SIK3: variants seen among roughly 807,000 people sequenced by gnomAD.
SIK3 encodes the protein serine/threonine-protein kinase SIK3.
A neutral mutation model predicts 144.2 loss-of-function variants in SIK3; 28 were observed. That is an observed-to-expected ratio of 0.19 (90% confidence interval 0.14 to 0.27). SIK3 has a LOEUF of 0.27. Ranked by LOEUF, SIK3 falls within the 10% of genes least tolerant of loss-of-function variation. The pLI is 1.00. For synonymous variants in SIK3, 686 were observed against 676.3 expected (o/e 1.01, Z -0.22); for missense variants, 1,319 against 1,776.0 (o/e 0.74, Z 4.62).
intron 6 of SIK3, among the ~76,000 whole-genome samples, chr11:116,879,768 T>G (rs1944454852): frequency 6.6e-6 from 1 of 152,254 alleles, no homozygotes; most frequent in Non-Finnish European, 1.5e-5. Context: ...TCTCAAAGAC[T>G]TCTACATTCC....
intron 19 of SIK3, among the ~76,000 whole-genome samples, chr11:116,860,225 CAG>C (rs904352403): frequency 7.3e-5 from 11 of 150,298 alleles, no homozygotes; most frequent in Non-Finnish European, 1.2e-4. Flanking sequence ...GCCTGGGTGA[CAG>C]GGGGAGACTC....
intron 1 of SIK3, among the ~76,000 whole-genome samples, chr11:116,995,119 T>C (rs1365208143): frequency 2.0e-5 from 3 of 151,774 alleles, no homozygotes; most frequent in Non-Finnish European, 4.4e-5. Flanking sequence ...ATACAAAAAT[T>C]AGCTGGGCAT....
Position 116,973,223 on chromosome 11 carries a change from C to T in SIK3, c.274-16159G>A, listed in dbSNP as rs373352296. Among the ~76,000 whole-genome samples the T allele has an allele frequency of 3.9e-5, 6 of 152,308 alleles. No homozygotes were observed. The East Asian group carries it at 9.6e-4, about 24-fold the overall frequency. On this transcript the variant is annotated intron_variant, in intron 1 of 24. Transcript: ENST00000445177. ...AGTAAATGTGTGCTGCTTTAAGCTG[C>T]TAAATTTGTGGCAGGTTGCTACATA...
intron 1 of SIK3, among the ~76,000 whole-genome samples, chr11:116,991,221 G>C (rs1483327588): frequency 6.6e-6 from 1 of 152,172 alleles, no homozygotes; most frequent in Non-Finnish European, 1.5e-5. Context: ...GCCAAGGTGG[G>C]CGGATCCAAG....
At chr11:116,904,045 GTC>G (rs551020020) in intron 4 of SIK3, among the ~76,000 whole-genome samples, 5 of 152,068 alleles carry the variant, frequency 3.3e-5, no homozygotes, top group Non-Finnish European at 7.4e-5. Flanking sequence ...TCTTTTATAA[GTC>G]TCTAAGTAAG....
In SIK3 at chr11:117,022,931, C is replaced by T. The variant is rs188811305; in HGVS notation, c.274-65867G>A. Reference sequence around the variant, plus strand: ...CAGGTTTATTTTGTTCAGAAACAAACGCAAAGTGAATACATAACTGGATCT... The same window carrying T: ...CAGGTTTATTTTGTTCAGAAACAAATGCAAAGTGAATACATAACTGGATCT... On this transcript the variant is annotated intron_variant, in intron 1 of 24. Coordinates refer to ENST00000445177, the MANE Select transcript of SIK3 (RefSeq NM_001366686.3). 1.8e-4 allele frequency among the ~76,000 whole-genome samples: 28 copies of T among 151,844 alleles called. No homozygotes were observed. In the South Asian group the frequency reaches 2.7e-3, roughly 15 times the overall value.
chr11:117,058,792 T>A (rs1240551506), intron 1 of SIK3, among the ~76,000 whole-genome samples: 3 of 152,138 alleles, frequency 2.0e-5, no homozygotes, highest in Non-Finnish European at 4.4e-5. Context: ...AACCCATGGA[T>A]TAGCAAAAGA....
At position 117,006,614 on chromosome 11, in the gene SIK3, A is replaced by G. The variant is rs144516167; in HGVS notation, c.274-49550T>C. The stretch of plus-strand genomic sequence containing the variant: ...GGAGTTGCAAACCCAAACAAACAAC[A>G]CAGTGAGACCCTATCTCTGTGTTTA... On this transcript the variant is annotated intron_variant, in intron 1 of 24. Coordinates refer to ENST00000445177, the MANE Select transcript of SIK3 (RefSeq NM_001366686.3). Among the ~76,000 whole-genome samples, 1,511 of 152,060 alleles carry G rather than the reference A, an allele frequency of 9.9e-3. 26 individuals are homozygous for G. The highest frequency in any genetic ancestry group is 0.035 in the African/African-American group (1,468 of 41,454).
intron 1 of SIK3, among the ~76,000 whole-genome samples, chr11:116,960,792 A>G (rs1304158744): frequency 6.6e-6 from 1 of 152,194 alleles, no homozygotes; most frequent in Non-Finnish European, 1.5e-5. Flanking sequence ...CTGGCACAGT[A>G]AACAGGCAAT....
rs752104589 is a variant in SIK3 at position 116,859,453 on chromosome 11, G to T, written c.2577C>A (p.Val859=). 1 of 1,614,236 alleles carries T rather than the reference G, an allele frequency of 6.2e-7. No homozygotes were observed. Among genetic ancestry groups the T allele is most frequent in the Non-Finnish European group, 8.5e-7 (1 of 1,180,058 alleles). ...PAQSQQVTIQ[V]QEPVDMLSNM... is the part of the protein sequence containing the mutation. ...TGCTGAGCATGTCAACAGGCTCTTG[G>T]ACTTGGATGGTGACCTGCTGTGACT... is the stretch of plus-strand genomic sequence containing the variant. Residue 859 remains valine, a synonymous_variant, in exon 20 of 25, where the codon GTC becomes GTA. Transcript: ENST00000445177.
chr11:116,990,790 A>C (rs1202739068), intron 1 of SIK3, among the ~76,000 whole-genome samples: 2 of 152,164 alleles, frequency 1.3e-5, no homozygotes, highest in East Asian at 3.8e-4. Context: ...TTCCCTTGTC[A>C]CCTAAAAGCA....
Position 116,903,693 on chromosome 11 carries a change from T to C in SIK3, c.617-6376A>G, listed in dbSNP as rs373996054. Among the ~76,000 whole-genome samples, 15 of 152,340 alleles carry C rather than the reference T, an allele frequency of 9.8e-5. No homozygotes were observed. In the East Asian group the frequency reaches 2.5e-3, roughly 25 times the overall value. ...ACCTCCTGGGCTCAAGCCATCTTCC[T>C]GCCTCAGCCTCCTAAGTAGCTGGGA... On this transcript the variant is annotated intron_variant, in intron 4 of 24. Transcript: ENST00000445177.
rs10892043 is a variant in SIK3, at chr11:116,895,277, C to A, written c.865+976G>T. Among the ~76,000 whole-genome samples, 1,414 of 152,268 alleles carry A rather than the reference C, an allele frequency of 9.3e-3. 16 individuals are homozygous for A. Among genetic ancestry groups the A allele is most frequent in the African/African-American group, 0.03 (1,234 of 41,540 alleles). On this transcript the variant is annotated intron_variant, in intron 6 of 24. Transcript: ENST00000445177. ...TCAACAGCCAGGGGGTGCTCTTCCC[C>A]GGACTGCACAGCATTCACCCTCACC...
At chr11:116,881,961 C>A (rs1380942580) in intron 6 of SIK3, among the ~76,000 whole-genome samples, 1 of 127,420 alleles carries the variant, frequency 7.8e-6, no homozygotes. Context: ...AAGCAGAATA[C>A]AAATTCTGGT....
At chr11:117,039,560 G>C (rs1952653617) in intron 1 of SIK3, among the ~76,000 whole-genome samples, 1 of 152,224 alleles carries the variant, frequency 6.6e-6, no homozygotes, top group Non-Finnish European at 1.5e-5. Flanking sequence ...ATGAAGTTGA[G>C]GGAGTGGAAG....
In SIK3 at chr11:116,865,985, C is replaced by G. The variant is rs561558751; in HGVS notation, c.1952+1961G>C. 9.2e-5 allele frequency among the ~76,000 whole-genome samples: 14 copies of G among 152,220 alleles called. No homozygotes were observed. The East Asian group carries it at 2.5e-3, about 27-fold the overall frequency. On this transcript the variant is annotated intron_variant, in intron 15 of 24. Coordinates refer to ENST00000445177, the MANE Select transcript of SIK3 (RefSeq NM_001366686.3). ...TTCAAATAGGCTTGGCCACAGGCAA[C>G]CCTCAAAACACCAAAAAGGTTCACA... is the stretch of plus-strand genomic sequence containing the variant.
chr11:116,968,598 C>T (rs1949648960), intron 1 of SIK3, among the ~76,000 whole-genome samples: 2 of 152,152 alleles, frequency 1.3e-5, no homozygotes, highest in South Asian at 4.1e-4. Context: ...GAAGTATATG[C>T]TTAATATAAC....
chr11:116,901,879 A>AT (rs765926751), intron 4 of SIK3, among the ~76,000 whole-genome samples: 2 of 152,164 alleles, frequency 1.3e-5, no homozygotes, highest in Non-Finnish European at 2.9e-5. Context: ...CACTATTAAG[A>AT]TTTTTTTCTT....
At chr11:116,890,407 T>C (rs1466820307) in intron 6 of SIK3, among the ~76,000 whole-genome samples, 20 of 152,200 alleles carry the variant, frequency 1.3e-4, no homozygotes, top group Non-Finnish European at 2.9e-4. Flanking sequence ...TAGGCCATAG[T>C]AATAATGACT....
Sources: allele counts gnomAD v4.1 joint callset (sites outside exome capture counted in the v4.1 genomes callset), GRCh38; gene constraint gnomAD v4.1.1; transcripts MANE v1.5; gene names NCBI Gene and HGNC (gene_info 2026-07-23, HGNC 2026-07-21).